Variants in FBXL2 observed in about 807,000 individuals in gnomAD.
FBXL2 encodes F-box and leucine rich repeat protein 2, also known as F-box/LRR-repeat protein 2.
In FBXL2, 38 loss-of-function variants were observed where a neutral mutation model predicts 69.2. The ratio of observed to expected loss-of-function variants is 0.55; its 90% CI spans 0.42 to 0.72. The LOEUF is 0.72. Ranked by LOEUF, FBXL2 falls within the 30% of genes least tolerant of loss-of-function variation. The probability of loss-of-function intolerance (pLI) is 0.00; values close to 1 mark genes in which losing one functional copy is unlikely to be tolerated. For synonymous variants in FBXL2, 192 were observed against 201.3 expected (o/e 0.95, Z 0.39); for missense variants, 354 against 520.3 (o/e 0.68, Z 3.11).
In FBXL2 at chr3:33,393,243, A is replaced by T. The variant is rs949884049; in HGVS notation, n.1214+7515A>T. ...TCAAAAGAGGTCACAGAATTTTTCT[A>T]CAGTTCTACAATTACATGTATAAAA... is the stretch of plus-strand genomic sequence containing the variant. On this transcript the variant is annotated intron_variant and non_coding_transcript_variant, in intron 12 of 12. Coordinates refer to the FBXL2 transcript ENST00000463736. 2.8e-6 allele frequency: 4 copies of T among 1,427,998 alleles called. No homozygotes were observed. In the African/African-American group the frequency reaches 5.9e-5, roughly 21 times the overall value. 88.5% of individuals were successfully genotyped at this position (1,427,998 alleles called of 1,614,324 possible).
At chr3:33,333,144 G>A (rs531393209) in intron 2 of FBXL2, among the ~76,000 whole-genome samples, 15 of 152,008 alleles carry the variant, frequency 9.9e-5, no homozygotes, top group Non-Finnish European at 1.6e-4. Context: ...TTCTTTTGGG[G>A]CAATGAAAAT....
chr3:33,345,403 C>T (rs1211626146), intron 2 of FBXL2, among the ~76,000 whole-genome samples: 2 of 152,144 alleles, frequency 1.3e-5, no homozygotes, highest in African/African-American at 4.8e-5. Flanking sequence ...ATTCAACCTA[C>T]TACATTTTCT....
intron 2 of FBXL2, among the ~76,000 whole-genome samples, chr3:33,358,541 G>A (rs1042600612): frequency 2.0e-5 from 3 of 152,026 alleles, no homozygotes; most frequent in African/African-American, 7.2e-5. Flanking sequence ...CTTTCTGCCA[G>A]GCAAACAAAT....
At chr3:33,421,446 ATTTTCAGT>A in the FBXL2 span, among the ~76,000 whole-genome samples, 1 of 151,914 alleles carries the variant, frequency 6.6e-6, no homozygotes, top group African/African-American at 2.4e-5. Flanking sequence ...CTACTTTTGT[ATTTTCAGT>A]AGAGATGGTT....
chr3:33,373,025 G>T (rs1273764262), intron 5 of FBXL2, 67 bp from the exon 6 acceptor site: 5 of 1,363,690 alleles, frequency 3.7e-6, no homozygotes, highest in Middle Eastern at 1.8e-4. Flanking sequence ...AGCGTGAATG[G>T]TTTCATATGC....
intron 2 of FBXL2, among the ~76,000 whole-genome samples, chr3:33,346,837 T>A (rs1017709924): frequency 4.7e-5 from 7 of 148,236 alleles, no homozygotes; most frequent in East Asian, 2.0e-4. Flanking sequence ...TAAAAAAAAA[T>A]TTTGTGGATA....
intron 13 of FBXL2, among the ~76,000 whole-genome samples, chr3:33,380,527 C>T (rs1001663017): frequency 1.4e-5 from 2 of 146,804 alleles, no homozygotes; most frequent in Non-Finnish European, 3.0e-5. Context: ...CATTGCACTC[C>T]AGCCTGGGCA....
intron 1 of FBXL2, among the ~76,000 whole-genome samples, chr3:33,287,728 A>G (rs528117227): frequency 1.3e-5 from 2 of 152,302 alleles, no homozygotes; most frequent in South Asian, 2.1e-4. Flanking sequence ...CAGAGCCAGG[A>G]TTTGAACTCA....
intron 1 of FBXL2, among the ~76,000 whole-genome samples, chr3:33,282,187 A>C (rs13074122): frequency 4.6e-5 from 7 of 152,132 alleles, no homozygotes; most frequent in African/African-American, 1.4e-4. Context: ...TAGGTCTTAC[A>C]TTTAAGTCTT....
rs564363405 is a variant in FBXL2 at position 33,285,817 on chromosome 3, A to G, written c.3+8302A>G. Among the ~76,000 whole-genome samples, 8 of 152,016 alleles carry G rather than the reference A, an allele frequency of 5.3e-5. No individual in the cohort carries two copies. The East Asian group carries it at 1.5e-3, about 29-fold the overall frequency. Reference sequence around the variant, plus strand: ...TTCCATCACTGATACCCTTTCTTCCACTTGATCAAATCGGCTACTGAAGCT... The same window carrying G: ...TTCCATCACTGATACCCTTTCTTCCGCTTGATCAAATCGGCTACTGAAGCT... On this transcript the variant is annotated intron_variant, in intron 1 of 14. Transcript: ENST00000484457.
intron 2 of FBXL2, among the ~76,000 whole-genome samples, chr3:33,318,025 TTTTG>T (rs2037861241): frequency 6.6e-6 from 1 of 152,144 alleles, no homozygotes; most frequent in African/African-American, 2.4e-5. Context: ...TCTGGGTTTT[TTTTG>T]TTTTTTTGAC....
At chr3:33,293,251 A>G (rs910247221) in intron 1 of FBXL2, among the ~76,000 whole-genome samples, 13 of 152,360 alleles carry the variant, frequency 8.5e-5, no homozygotes, top group African/African-American at 3.1e-4. Flanking sequence ...TGTCTTAGGC[A>G]CTTTACGTTT....
chr3:33,327,606 T>G (rs1029061035), intron 2 of FBXL2, among the ~76,000 whole-genome samples: 1 of 151,630 alleles, frequency 6.6e-6, no homozygotes, highest in African/African-American at 2.4e-5. Flanking sequence ...CCAGATAAAA[T>G]CAGAATAGAA....
chr3:33,377,485 C>A (rs191114336), intron 11 of FBXL2, 152 bp downstream of exon 11: 6 of 707,518 alleles, frequency 8.5e-6, no homozygotes, highest in Admixed American at 2.4e-5. Flanking sequence ...TGCAGTTTTT[C>A]CAGTTAGCCA....
chr3:33,415,491 A>G, the FBXL2 span, among the ~76,000 whole-genome samples: 1 of 152,236 alleles, frequency 6.6e-6, no homozygotes, highest in Non-Finnish European at 1.5e-5. Context: ...AGTTGGCATG[A>G]GAACTTATGA....
the FBXL2 span, among the ~76,000 whole-genome samples, chr3:33,421,563 C>A: frequency 6.6e-6 from 1 of 152,216 alleles, no homozygotes; most frequent in Non-Finnish European, 1.5e-5. Flanking sequence ...CGCCACCGCA[C>A]CCAGCCTTAA....
intron 1 of FBXL2, among the ~76,000 whole-genome samples, chr3:33,294,295 C>A (rs1169471228): frequency 6.6e-6 from 1 of 151,888 alleles, no homozygotes; most frequent in Non-Finnish European, 1.5e-5. Flanking sequence ...TCGGGTCTCA[C>A]TATGTTGCCC....
intron 2 of FBXL2, among the ~76,000 whole-genome samples, chr3:33,303,931 A>C (rs2036500484): frequency 6.6e-6 from 1 of 151,968 alleles, no homozygotes; most frequent in Non-Finnish European, 1.5e-5. Flanking sequence ...GATATTACCC[A>C]AAAGTTTGAT....
the FBXL2 span, among the ~76,000 whole-genome samples, chr3:33,420,488 C>CATT: frequency 8.3e-6 from 1 of 120,634 alleles, no homozygotes; most frequent in Middle Eastern, 4.1e-3. Context: ...ACCATACTGG[C>CATT]TTTTTTTTTT....
Sources: gnomAD v4.1 joint callset for allele counts (sites outside exome capture counted in the v4.1 genomes callset) on GRCh38, gnomAD v4.1.1 for gene constraint, MANE v1.5 for transcripts, NCBI Gene and HGNC (gene_info 2026-07-23, HGNC 2026-07-21) for gene names.